ADAMTS17: variants seen among roughly 807,000 people sequenced by gnomAD.
ADAMTS17 encodes the protein A disintegrin and metalloproteinase with thrombospondin motifs 17.
Under a neutral mutation model 141.5 loss-of-function variants are expected in ADAMTS17, and 113 were observed. The ratio of observed to expected loss-of-function variants is 0.80; its 90% CI spans 0.69 to 0.93. The LOEUF is 0.93. Among genes scored for constraint, ADAMTS17 ranks in the 40% least tolerant of loss-of-function variants. The probability of loss-of-function intolerance (pLI) is 0.00; values close to 1 mark genes in which losing one functional copy is unlikely to be tolerated. For missense variants in ADAMTS17, 1,659 were observed against 1,517.9 expected (o/e 1.09, Z -1.54); for synonymous variants, 768 against 630.6 (o/e 1.22, Z -3.27).
At chr15:99,977,371 T>C (rs1289100340) in intron 20 of ADAMTS17, among the ~76,000 whole-genome samples, 198 of 15,544 alleles carry the variant, frequency 0.013, 22 homozygotes, top group African/African-American at 0.055. Context: ...TATATATATA[T>C]ATATATATAT....
intron 7 of ADAMTS17, among the ~76,000 whole-genome samples, chr15:100,202,483 CTG>C (rs1300365926): frequency 6.6e-6 from 1 of 152,120 alleles, no homozygotes; most frequent in African/African-American, 2.4e-5. Flanking sequence ...AGCACAAGAC[CTG>C]TGTGTTTATG....
At chr15:99,988,178 C>A (rs928933987) in intron 20 of ADAMTS17, among the ~76,000 whole-genome samples, 3 of 152,016 alleles carry the variant, frequency 2.0e-5, no homozygotes, top group Non-Finnish European at 4.4e-5. Context: ...AAATCTCATG[C>A]CGAAATGTGT....
intron 19 of ADAMTS17, among the ~76,000 whole-genome samples, chr15:99,996,287 A>G (rs369232487): frequency 1.3e-5 from 2 of 152,290 alleles, no homozygotes; most frequent in South Asian, 2.1e-4. Flanking sequence ...TGATCTGATC[A>G]AAGCACAAGT....
intron 4 of ADAMTS17, among the ~76,000 whole-genome samples, chr15:100,272,125 T>G (rs1404396490): frequency 6.6e-6 from 1 of 152,226 alleles, no homozygotes; most frequent in East Asian, 1.9e-4. Flanking sequence ...TGAGTAAATT[T>G]TGAAATGAGG....
intron 21 of ADAMTS17, 22 bp downstream of exon 21, chr15:99,976,023 C>G: frequency 6.5e-7 from 1 of 1,543,444 alleles, no homozygotes; most frequent in Non-Finnish European, 8.8e-7. Context: ...CCCTGGGAAC[C>G]GGGGCCAGTG....
chr15:100,334,211 G>C (rs2046139165), intron 2 of ADAMTS17, among the ~76,000 whole-genome samples: 2 of 152,170 alleles, frequency 1.3e-5, no homozygotes, highest in Non-Finnish European at 2.9e-5. Context: ...AAGACATAGA[G>C]GTTTTTATCA....
At chr15:100,022,697 G>C (rs1029479625) in intron 18 of ADAMTS17, among the ~76,000 whole-genome samples, 1 of 152,188 alleles carries the variant, frequency 6.6e-6, no homozygotes, top group Non-Finnish European at 1.5e-5. Context: ...ACTCTGGATT[G>C]CTTTGGATAA....
chr15:100,076,187 C>T (rs556501569), intron 15 of ADAMTS17, among the ~76,000 whole-genome samples: 41 of 152,176 alleles, frequency 2.7e-4, no homozygotes, highest in African/African-American at 8.9e-4. Flanking sequence ...GGATTACAGG[C>T]GCCCACCACC....
intron 7 of ADAMTS17, among the ~76,000 whole-genome samples, chr15:100,234,560 G>A (rs936219197): frequency 1.3e-5 from 2 of 152,212 alleles, no homozygotes; most frequent in Non-Finnish European, 2.9e-5. Flanking sequence ...CGCAAAGCTG[G>A]GTTTGGGGGA....
At chr15:100,288,527 A>G (rs570575104) in intron 3 of ADAMTS17, among the ~76,000 whole-genome samples, 87 of 152,276 alleles carry the variant, frequency 5.7e-4, no homozygotes, top group Non-Finnish European at 7.6e-4. Flanking sequence ...CTAACAGACA[A>G]CTACAAAACT....
chr15:100,265,162 G>A (rs1254521313), intron 4 of ADAMTS17, among the ~76,000 whole-genome samples: 2 of 152,148 alleles, frequency 1.3e-5, no homozygotes, highest in Non-Finnish European at 2.9e-5. Context: ...GCCGACCACA[G>A]GCTCTGACAA....
At chr15:100,073,854 T>A (rs1258929236) in intron 15 of ADAMTS17, among the ~76,000 whole-genome samples, 1 of 151,942 alleles carries the variant, frequency 6.6e-6, no homozygotes, top group Non-Finnish European at 1.5e-5. Flanking sequence ...ACATGGCACA[T>A]GTATACATAT....
intron 15 of ADAMTS17, among the ~76,000 whole-genome samples, chr15:100,089,587 G>A (rs1265328435): frequency 6.6e-6 from 1 of 151,834 alleles, no homozygotes; most frequent in Non-Finnish European, 1.5e-5. Context: ...CAACCCAAAT[G>A]TCCAACAGTG....
chr15:100,228,448 G>A (rs2042376245), intron 7 of ADAMTS17, among the ~76,000 whole-genome samples: 1 of 152,228 alleles, frequency 6.6e-6, no homozygotes, highest in African/African-American at 2.4e-5. Flanking sequence ...GACAGGTACA[G>A]AGGCTCATGA....
At chr15:100,111,210 C>T (rs979787484) in intron 13 of ADAMTS17, among the ~76,000 whole-genome samples, 8 of 152,162 alleles carry the variant, frequency 5.3e-5, no homozygotes, top group Non-Finnish European at 7.3e-5. Flanking sequence ...AAGACAGACA[C>T]GTGATGTTTG....
rs140460973 is a variant in ADAMTS17 at position 100,300,590 on chromosome 15, G to T, written c.617-19189C>A. Among the ~76,000 whole-genome samples, 678 of 152,316 alleles carry T rather than the reference G, an allele frequency of 4.5e-3. 13 individuals carry two copies. The highest frequency in any genetic ancestry group is 0.038 in the Admixed American group (583 of 15,308). The stretch of plus-strand genomic sequence containing the variant: ...GCAAAGGAGCCTTGGGCTCCACCAG[G>T]GTGAGCAAACCAGCCAAGAGTAGAG... On this transcript the variant is annotated intron_variant, in intron 3 of 21. Coordinates refer to ENST00000268070, the MANE Select transcript of ADAMTS17 (RefSeq NM_139057.4).
At chr15:100,016,553 G>A (rs2061292665) in intron 18 of ADAMTS17, among the ~76,000 whole-genome samples, 1 of 152,210 alleles carries the variant, frequency 6.6e-6, no homozygotes, top group Non-Finnish European at 1.5e-5. Context: ...GTCCCATGGG[G>A]TGTTCCCTTG....
intron 10 of ADAMTS17, among the ~76,000 whole-genome samples, chr15:100,151,675 C>T (rs1460450444): frequency 6.6e-6 from 1 of 152,174 alleles, no homozygotes; most frequent in African/African-American, 2.4e-5. Flanking sequence ...CCTCCTTCTC[C>T]ACAGGATGGT....
At chr15:100,318,637 G>C (rs2141894274) in intron 3 of ADAMTS17, among the ~76,000 whole-genome samples, 1 of 152,308 alleles carries the variant, frequency 6.6e-6, no homozygotes, top group African/African-American at 2.4e-5. Context: ...GACAGTTTTT[G>C]TTATAGCAGC....
Sources: gnomAD v4.1 joint callset for allele counts (sites outside exome capture counted in the v4.1 genomes callset) on GRCh38, gnomAD v4.1.1 for gene constraint, MANE v1.5 for transcripts, NCBI Gene and HGNC (gene_info 2026-07-23, HGNC 2026-07-21) for gene names.